The following RNF213 variants were observed in gnomAD, a reference collection of about 807,000 sequenced individuals.
RNF213 encodes E3 ubiquitin-protein ligase RNF213.
In RNF213, 341 loss-of-function variants were observed where a neutral mutation model predicts 514.4. The ratio of observed to expected loss-of-function variants is 0.66; its 90% confidence interval spans 0.61 to 0.73. RNF213 has a LOEUF of 0.73. RNF213 is among the 30% of genes least tolerant of loss of function. The probability of loss-of-function intolerance (pLI) is 0.00; values close to 1 mark genes in which losing one functional copy is unlikely to be tolerated. For synonymous variants in RNF213, 2,655 were observed against 2,658.2 expected (o/e 1.00, Z 0.04); for missense variants, 5,767 against 6,615.6 (o/e 0.87, Z 4.45).
chr17:80,382,981 CT>C lies in RNF213; in HGVS notation c.13985del (p.Leu4662Ter). ...QEQHQLSSRR[L>X]LNFDTELSTK... is the part of the protein sequence containing the mutation. ...ACACATTTGGAGTTTTTTTGTAGGGCTTTTAAATTTTGACACAGAATTGTCA... is the reference window on the plus strand; with the variant it reads ...ACACATTTGGAGTTTTTTTGTAGGGCTTTAAATTTTGACACAGAATTGTCA... On this transcript the variant is annotated frameshift_variant, in exon 58 of 68. Coordinates refer to ENST00000582970, the MANE Select transcript of RNF213 (RefSeq NM_001256071.3). LOFTEE classifies it high-confidence loss of function. 1 of 1,611,452 alleles carries C rather than the reference CT, an allele frequency of 6.2e-7. No homozygotes were observed. Among genetic ancestry groups the C allele is most frequent in the Non-Finnish European group, 8.5e-7 (1 of 1,177,722 alleles).
In RNF213 at chr17:80,376,916, T is replaced by TCAA; in HGVS notation, c.13463_13464insCAA (p.Leu4488_Ala4489insLys). ...CTTCCAACCATGCCTGAAGACTTGC[T>TCAA]GGCTCAAGCTCGGAGGTGGAAGGGT... On this transcript the variant is annotated inframe_insertion, in exon 53 of 68. Coordinates refer to ENST00000582970, the MANE Select transcript of RNF213 (RefSeq NM_001256071.3). The TCAA allele has an allele frequency of 1.2e-6, 2 of 1,614,196 alleles. No individual in the cohort carries two copies. The highest frequency in any genetic ancestry group is 1.7e-6 in the Non-Finnish European group (2 of 1,180,034).
chr17:80,271,643 G>A (rs906505819), intron 2 of RNF213, among the ~76,000 whole-genome samples: 2 of 152,202 alleles, frequency 1.3e-5, no homozygotes, highest in Non-Finnish European at 1.5e-5. Flanking sequence ...GGGTGTTTTC[G>A]TCCATTTTCT....
intron 25 of RNF213, among the ~76,000 whole-genome samples, chr17:80,338,656 AAAG>A (rs1483612349): frequency 6.6e-6 from 1 of 151,852 alleles, no homozygotes; most frequent in Non-Finnish European, 1.5e-5. Flanking sequence ...ATTAAAAAAA[AAAG>A]ATAATTTAAA....
chr17:80,363,941 C>G (rs1304547752), intron 41 of RNF213, 151 bp downstream of exon 41: 2 of 804,824 alleles, frequency 2.5e-6, no homozygotes, highest in Admixed American at 2.0e-5. Flanking sequence ...TTTGCCGAAC[C>G]CTTAGTGAGT....
At chr17:80,305,367 G>A (rs1415154831) in intron 11 of RNF213, among the ~76,000 whole-genome samples, 4 of 151,508 alleles carry the variant, frequency 2.6e-5, no homozygotes, top group East Asian at 1.9e-4. Context: ...TAGTAGAGAC[G>A]GGATTTCTCC....
At position 80,346,780 on chromosome 17, in the gene RNF213, A is replaced by T; in HGVS notation, c.8445A>T (p.Pro2815=). Residue 2815 remains proline, a synonymous_variant, in exon 29 of 68, where the codon CCA becomes CCT. Transcript: ENST00000582970. The surrounding 1 kb of genome is among the most constrained non-coding windows in gnomAD (Gnocchi z 8.1). The part of the protein sequence containing the change: ...VSFQCSPHST[P]QGIISTFRQC... ...TCCAGTGCAGCCCGCACTCCACCCCACAGGGCATCATCAGCACCTTCCGGC... is the reference window on the plus strand; with the variant it reads ...TCCAGTGCAGCCCGCACTCCACCCCTCAGGGCATCATCAGCACCTTCCGGC... 6.2e-7 allele frequency: 1 copy of T among 1,613,726 alleles called. No individual in the cohort carries two copies. Among genetic ancestry groups the T allele is most frequent in the East Asian group, 2.2e-5 (1 of 44,880 alleles).
rs2078042546 is a variant in RNF213 at position 80,338,141 on chromosome 17, G to A, written c.4833+144G>A. 8 of 1,086,218 alleles carry A rather than the reference G, an allele frequency of 7.4e-6. No individual in the cohort carries two copies. In the African/African-American group the frequency reaches 9.5e-5, roughly 13 times the overall value. The allele number at this position is 1,086,218 out of a possible 1,614,324, so 67.3% of individuals were successfully genotyped here. On this transcript the variant is annotated intron_variant, in intron 25 of 67. Transcript: ENST00000582970. ...TGCTCTTAGGCCCATGGAGAGTAGA[G>A]TTGGCACATTTGTAGGGTGCATGGA...
intron 2 of RNF213, among the ~76,000 whole-genome samples, chr17:80,265,034 A>ATTTT (rs2043560861): frequency 2.9e-5 from 2 of 69,138 alleles, no homozygotes; most frequent in Non-Finnish European, 2.8e-5. Flanking sequence ...CAGTCCTTCC[A>ATTTT]TGTTTGTTTG....
chr17:80,314,049 G>GTGA (rs2045717251), intron 15 of RNF213, among the ~76,000 whole-genome samples: 1 of 103,260 alleles, frequency 9.7e-6, no homozygotes, highest in Non-Finnish European at 1.8e-5. Context: ...GATGGTGGAG[G>GTGA]TGGTGGAGGT....
rs369739492 is a variant in RNF213 at position 80,374,445 on chromosome 17, C to T, written c.12943-13C>T. The T allele has an allele frequency of 4.3e-6, 7 of 1,614,122 alleles. No homozygotes were observed. The highest frequency in any genetic ancestry group is 5.9e-6 in the Non-Finnish European group (7 of 1,179,978). ...CTCCCATTGTTCACCCCCAACTAAC[C>T]TCTGTATTCCAGGGGCTGCGGCAGG... On this transcript the variant is annotated splice_polypyrimidine_tract_variant and intron_variant, in intron 49 of 67. Transcript: ENST00000582970.
Position 80,383,929 on chromosome 17 carries a change from G to T in RNF213, c.14322+1G>T, listed in dbSNP as rs2080125179. Reference sequence around the variant, plus strand: ...CATCCTCTGGCATTTCCTGCAGAAGGTATGTCTGGCTTACTGTGGCTCCCT... The same window carrying T: ...CATCCTCTGGCATTTCCTGCAGAAGTTATGTCTGGCTTACTGTGGCTCCCT... On this transcript the variant is annotated splice_donor_variant, in intron 59 of 67. Transcript: ENST00000582970. LOFTEE classifies it high-confidence loss of function. 2 of 1,614,178 alleles carry T rather than the reference G, an allele frequency of 1.2e-6. No individual in the cohort carries two copies. The highest frequency in any genetic ancestry group is 8.5e-7 in the Non-Finnish European group (1 of 1,180,034).
intron 31 of RNF213, 84 bp from the exon 32 acceptor site, chr17:80,351,601 G>A (rs1278820202): frequency 9.0e-6 from 7 of 781,964 alleles, no homozygotes; most frequent in Non-Finnish European, 1.5e-5. Context: ...TTCTGCAGCT[G>A]CACAGCTTTG....
intron 21 of RNF213, 139 bp from the exon 22 acceptor site, chr17:80,333,966 G>T: frequency 2.3e-6 from 2 of 870,988 alleles, no homozygotes; most frequent in Non-Finnish European, 3.6e-6. Context: ...GTAAGAGCTT[G>T]GTGTGCCTGT....
intron 14 of RNF213, among the ~76,000 whole-genome samples, chr17:80,311,695 G>A (rs576995295): frequency 3.3e-5 from 5 of 152,244 alleles, no homozygotes; most frequent in Middle Eastern, 3.4e-3. Flanking sequence ...GGGCAGCCCC[G>A]CCCAGCAGCA....
At chr17:80,321,585 G>A (rs945733684) in intron 17 of RNF213, 2 of 152,178 alleles carry the variant, frequency 1.3e-5, no homozygotes, top group African/African-American at 4.8e-5. Flanking sequence ...CTGTCCGGCC[G>A]AGTCCCACAG....
rs1261426171 is a variant in RNF213 at position 80,390,011 on chromosome 17, G to A, written c.15286-1G>A. 2 of 1,614,214 alleles carry A rather than the reference G, an allele frequency of 1.2e-6. No homozygotes were observed. Among genetic ancestry groups the A allele is most frequent in the Admixed American group, 3.3e-5 (2 of 60,024 alleles). On this transcript the variant is annotated splice_acceptor_variant, in intron 66 of 67. Coordinates refer to ENST00000582970, the MANE Select transcript of RNF213 (RefSeq NM_001256071.3). LOFTEE classifies it high-confidence loss of function. ...CTTCATTTGCTCTTCCGTCGTTTTA[G>A]GAGCCATTTGGGGAAATCAGTTCAA... is the stretch of plus-strand genomic sequence containing the variant.
intron 8 of RNF213, among the ~76,000 whole-genome samples, chr17:80,292,513 A>G (rs2044768696): frequency 2.0e-5 from 3 of 152,308 alleles, no homozygotes; most frequent in Non-Finnish European, 4.4e-5. Context: ...TCCCTTCTCT[A>G]GAGATTTTCA....
rs139844147 is a variant in RNF213 at position 80,279,381 on chromosome 17, G to T, written c.261+5977G>T. On this transcript the variant is annotated intron_variant, in intron 3 of 67. Transcript: ENST00000582970. ...AGGTCTTGGATGGCGCTCGCCACGT[G>T]GGGGTGTAGTGGAAGCCCTGCTCAG... Among the ~76,000 whole-genome samples, 608 of 152,282 alleles carry T rather than the reference G, an allele frequency of 4.0e-3. 4 individuals carry two copies. Among genetic ancestry groups the T allele is most frequent in the African/African-American group, 0.014 (587 of 41,550 alleles).
chr17:80,298,154 G>T (rs1449615298), intron 10 of RNF213, among the ~76,000 whole-genome samples, 167 bp from the exon 11 acceptor site: 1 of 152,120 alleles, frequency 6.6e-6, no homozygotes, highest in Non-Finnish European at 1.5e-5. Context: ...CTAGGCTGGG[G>T]GCTGAGGGAA....
Sources: allele counts gnomAD v4.1 joint callset (sites outside exome capture counted in the v4.1 genomes callset), GRCh38; gene constraint gnomAD v4.1.1; non-coding constraint Gnocchi (gnomAD v3.1); transcripts MANE v1.5; gene names NCBI Gene and HGNC (gene_info 2026-07-23, HGNC 2026-07-21).